Variants in ENTREP1 observed in about 807,000 individuals in gnomAD.
ENTREP1 encodes endosomal transmembrane epsin interactor 1, also known as Friedreich ataxia region gene X123.
the ENTREP1 span, among the ~76,000 whole-genome samples, chr9:69,385,256 C>G: frequency 1.4e-4 from 21 of 152,324 alleles, no homozygotes; most frequent in East Asian, 3.9e-3. Context: ...TCTCGAATTA[C>G]AACTCAGGCT....
At chr9:69,350,893 T>C in the ENTREP1 span, among the ~76,000 whole-genome samples, 1 of 152,216 alleles carries the variant, frequency 6.6e-6, no homozygotes, top group Admixed American at 6.5e-5. Context: ...TTAAGATCTT[T>C]TCTTTTCCTT....
At chr9:69,391,809 T>C in the ENTREP1 span, 1 of 1,589,148 alleles carries the variant, frequency 6.3e-7, no homozygotes, top group Non-Finnish European at 8.6e-7. Flanking sequence ...CTGTGAACCC[T>C]GGAAGACAGA....
At chr9:69,340,636 C>CATGCATGTGT in the ENTREP1 span, among the ~76,000 whole-genome samples, 569 of 120,642 alleles carry the variant, frequency 4.7e-3, 14 homozygotes, top group African/African-American at 0.018. Context: ...TGTGTGTGTG[C>CATGCATGTGT]GTGCATGTGT....
chr9:69,329,541 TGAAG>T, the ENTREP1 span: 1 of 985,130 alleles, frequency 1.0e-6, no homozygotes, highest in African/African-American at 1.7e-5. Context: ...TTCAGCAACT[TGAAG>T]GGAGAGTTTT....
the ENTREP1 span, among the ~76,000 whole-genome samples, chr9:69,346,194 G>A: frequency 6.6e-6 from 1 of 152,032 alleles, no homozygotes; most frequent in South Asian, 2.1e-4. Context: ...TGTTGGCCAG[G>A]CTGGTCTCGA....
At chr9:69,326,089 T>C in the ENTREP1 span, among the ~76,000 whole-genome samples, 2 of 152,236 alleles carry the variant, frequency 1.3e-5, no homozygotes, top group Non-Finnish European at 2.9e-5. Context: ...TGACAACGTC[T>C]GTGCTGGGAG....
the ENTREP1 span, among the ~76,000 whole-genome samples, chr9:69,328,140 C>A: frequency 6.6e-6 from 1 of 152,148 alleles, no homozygotes; most frequent in Non-Finnish European, 1.5e-5. Context: ...CATCTGCACC[C>A]CCTTCCTGGG....
chr9:69,367,549 T>C, the ENTREP1 span, among the ~76,000 whole-genome samples: 1 of 147,944 alleles, frequency 6.8e-6, no homozygotes, highest in East Asian at 2.0e-4. Context: ...GTTTTTAGTT[T>C]TCTTTCTAGA....
chr9:69,330,492 A>G, the ENTREP1 span, among the ~76,000 whole-genome samples: 2 of 152,200 alleles, frequency 1.3e-5, no homozygotes, highest in Non-Finnish European at 2.9e-5. Context: ...TTCTACTTTC[A>G]CGTAAAGAGA....
At chr9:69,391,552 A>G in the ENTREP1 span, 2 of 1,540,028 alleles carry the variant, frequency 1.3e-6, no homozygotes, top group African/African-American at 2.7e-5. Flanking sequence ...AAAGGGCCAC[A>G]TCTGGTAAAG....
the ENTREP1 span, chr9:69,383,835 C>A: frequency 6.3e-7 from 1 of 1,584,294 alleles, no homozygotes; most frequent in African/African-American, 1.3e-5. Context: ...CCCCTGCCCC[C>A]AGAGAACAGC....
At chr9:69,333,142 A>G in the ENTREP1 span, among the ~76,000 whole-genome samples, 14 of 152,102 alleles carry the variant, frequency 9.2e-5, no homozygotes, top group Non-Finnish European at 2.1e-4. Context: ...GTGTGTAGTA[A>G]GAATTTAGAG....
the ENTREP1 span, among the ~76,000 whole-genome samples, chr9:69,367,874 T>TATATATATACACATATATATACAC: frequency 1.1e-5 from 1 of 90,600 alleles, no homozygotes; most frequent in African/African-American, 4.2e-5. Context: ...TATATATAAA[T>TATATATATACACATATATATACAC]ATATATATAC....
chr9:69,391,826 C>T, the ENTREP1 span: 1 of 1,563,306 alleles, frequency 6.4e-7, no homozygotes, highest in Non-Finnish European at 8.7e-7. Context: ...CAGAAGGCCA[C>T]TCCAAGGGGA....
chr9:69,335,606 T>G, the ENTREP1 span, among the ~76,000 whole-genome samples: 2 of 152,088 alleles, frequency 1.3e-5, no homozygotes, highest in Non-Finnish European at 2.9e-5. Context: ...GGGCCTTGTT[T>G]CCCATTTCGA....
At chr9:69,389,454 A>T in the ENTREP1 span, among the ~76,000 whole-genome samples, 1 of 152,170 alleles carries the variant, frequency 6.6e-6, no homozygotes, top group East Asian at 1.9e-4. Flanking sequence ...CAGGGGATTC[A>T]GCGGGGAGGA....
chr9:69,325,472 C>T, the ENTREP1 span: 2 of 937,478 alleles, frequency 2.1e-6, no homozygotes, highest in Non-Finnish European at 2.5e-6. Context: ...GCCCCCGTCG[C>T]GGCCTCGCTG....
At chr9:69,365,724 C>CTA in the ENTREP1 span, among the ~76,000 whole-genome samples, 66,151 of 151,646 alleles carry the variant, frequency 0.44, 14,861 homozygotes, top group African/African-American at 0.55. Flanking sequence ...ATTCTACTCT[C>CTA]TCTCGATGAG....
chr9:69,333,152 G>T, the ENTREP1 span, among the ~76,000 whole-genome samples: 3 of 151,964 alleles, frequency 2.0e-5, no homozygotes, highest in South Asian at 6.2e-4. Context: ...AGAATTTAGA[G>T]AAAAATACAT....
Sources: allele counts gnomAD v4.1 joint callset (sites outside exome capture counted in the v4.1 genomes callset), GRCh38; gene constraint gnomAD v4.1.1; transcripts MANE v1.5; gene names NCBI Gene and HGNC (gene_info 2026-07-23, HGNC 2026-07-21).